ADGRF4: variants seen among roughly 807,000 people sequenced by gnomAD.
ADGRF4 encodes the protein adhesion G protein-coupled receptor F4.
Under a neutral mutation model 58.5 loss-of-function variants are expected in ADGRF4, and 63 were observed. That is an observed-to-expected ratio of 1.08 (90% CI 0.88 to 1.33). The LOEUF is 1.33. Ranked by LOEUF, ADGRF4 falls within the 40% of genes most tolerant of loss-of-function variation. The pLI is 0.00. For synonymous variants in ADGRF4, 313 were observed against 295.4 expected, an observed-to-expected ratio of 1.06 and a Z score of -0.61; for missense variants, 931 against 843.9, an observed-to-expected ratio of 1.10 and a Z score of -1.28.
chr6:47,705,069 C>T (rs1448945392), intron 1 of ADGRF4, among the ~76,000 whole-genome samples: 8 of 152,146 alleles, frequency 5.3e-5, no homozygotes, highest in Admixed American at 1.3e-4. Context: ...GCTGGGACTA[C>T]AGACGCCTGC....
intron 4 of ADGRF4, 137 bp from the exon 5 acceptor site, chr6:47,712,220 T>TCTG: frequency 1.3e-6 from 1 of 747,010 alleles, no homozygotes; most frequent in South Asian, 1.8e-5. Context: ...TCCACCCCCC[T>TCTG]CTGCATCAAA....
At chr6:47,717,057 A>G (rs533198391) in intron 7 of ADGRF4, among the ~76,000 whole-genome samples, 1 of 152,274 alleles carries the variant, frequency 6.6e-6, no homozygotes, top group East Asian at 1.9e-4. Flanking sequence ...GTGTGCAAGT[A>G]TTGCTGGTGA....
chr6:47,717,920 A>G (rs1050239732), intron 8 of ADGRF4, among the ~76,000 whole-genome samples: 3 of 152,242 alleles, frequency 2.0e-5, no homozygotes, highest in African/African-American at 4.8e-5. Context: ...TTAAGGCACC[A>G]AGTAAAATTG....
chr6:47,706,959 T>A (rs1771723492), intron 1 of ADGRF4, among the ~76,000 whole-genome samples: 2 of 152,262 alleles, frequency 1.3e-5, no homozygotes. Flanking sequence ...TAATAAGGAA[T>A]GATGCTTTGG....
chr6:47,707,969 C>T (rs983583918), intron 2 of ADGRF4, among the ~76,000 whole-genome samples: 4 of 152,160 alleles, frequency 2.6e-5, no homozygotes, highest in Admixed American at 1.3e-4. Context: ...GATGTAGCAT[C>T]TCTACTAACT....
chr6:47,710,953 T>C, intron 4 of ADGRF4, 67 bp downstream of exon 4: 1 of 1,441,776 alleles, frequency 6.9e-7, no homozygotes, highest in Non-Finnish European at 9.6e-7. Flanking sequence ...ACATTTTTAA[T>C]GTGATCTGTT....
intron 3 of ADGRF4, among the ~76,000 whole-genome samples, chr6:47,709,663 T>G (rs575384056): frequency 1.1e-4 from 17 of 152,364 alleles, no homozygotes; most frequent in African/African-American, 4.1e-4. Flanking sequence ...TGAAATTTAT[T>G]TGTATTCCCT....
chr6:47,719,301 G>T (rs538749247), intron 9 of ADGRF4, among the ~76,000 whole-genome samples: 2 of 152,092 alleles, frequency 1.3e-5, no homozygotes, highest in African/African-American at 4.8e-5. Flanking sequence ...ACATACAGTC[G>T]CAGGGAGAGG....
intron 1 of ADGRF4, among the ~76,000 whole-genome samples, chr6:47,705,549 AAC>A (rs540519687): frequency 7.1e-4 from 108 of 152,324 alleles, no homozygotes; most frequent in African/African-American, 2.5e-3. Flanking sequence ...GTTGTAAATA[AAC>A]ACACCTTCCC....
chr6:47,703,222 T>C (rs994849472), intron 1 of ADGRF4, among the ~76,000 whole-genome samples: 5 of 152,190 alleles, frequency 3.3e-5, no homozygotes, highest in Non-Finnish European at 7.3e-5. Context: ...TCTAAGGATG[T>C]GTGTTTCCTC....
In ADGRF4 at chr6:47,714,769, G is replaced by A. The variant is rs1161858910; in HGVS notation, c.1524G>A (p.Arg508=). ...IIYGILVIFR[R]MMKSRMMVIG... ...ATGGAATATTGGTCATTTTCCGTAG[G>A]ATGATGAAGTCCCGAATGATGGTCA... The change falls in exon 6 of 10, where the codon AGG becomes AGA. Residue 508 remains arginine (R), a synonymous_variant. Coordinates refer to ENST00000283303, the MANE Select transcript of ADGRF4 (RefSeq NM_153838.5). 5 of 1,613,934 alleles carry A rather than the reference G, an allele frequency of 3.1e-6. No individual in the cohort carries two copies. Among genetic ancestry groups the A allele is most frequent in the Non-Finnish European group, 4.2e-6 (5 of 1,179,872 alleles).
chr6:47,716,868 C>G (rs1195524125), intron 7 of ADGRF4, 21 bp downstream of exon 7: 1 of 1,549,150 alleles, frequency 6.5e-7, no homozygotes, highest in African/African-American at 1.4e-5. Context: ...TTTGCTTCCT[C>G]CTTATAAATG....
At chr6:47,704,787 C>T (rs1771668375) in intron 1 of ADGRF4, among the ~76,000 whole-genome samples, 2 of 151,980 alleles carry the variant, frequency 1.3e-5, no homozygotes, top group Admixed American at 1.3e-4. Flanking sequence ...AGTATTTTTA[C>T]ATAAAAATCG....
intron 1 of ADGRF4, among the ~76,000 whole-genome samples, chr6:47,700,002 G>T (rs915455224): frequency 6.6e-6 from 1 of 151,804 alleles, no homozygotes; most frequent in Non-Finnish European, 1.5e-5. Flanking sequence ...TCTTTGGATT[G>T]GTTGTTCCCA....
intron 1 of ADGRF4, among the ~76,000 whole-genome samples, chr6:47,700,325 G>C (rs1771563030): frequency 6.6e-6 from 1 of 152,270 alleles, no homozygotes; most frequent in East Asian, 1.9e-4. Flanking sequence ...AGACGGGTAG[G>C]GAGTACTCAG....
At chr6:47,713,481 T>C (rs977372879) in intron 5 of ADGRF4, among the ~76,000 whole-genome samples, 1 of 152,100 alleles carries the variant, frequency 6.6e-6, no homozygotes, top group Non-Finnish European at 1.5e-5. Context: ...CCAGAGAACA[T>C]ACCTCCACTC....
intron 1 of ADGRF4, among the ~76,000 whole-genome samples, chr6:47,702,074 G>A (rs1371488891): frequency 6.6e-6 from 1 of 152,152 alleles, no homozygotes; most frequent in African/African-American, 2.4e-5. Context: ...CCTGGTCTTA[G>A]GTGGTCCACC....
Position 47,714,939 on chromosome 6 carries a change from C to A in ADGRF4, c.1694C>A (p.Pro565Gln). The stretch of plus-strand genomic sequence containing the variant: ...AAAGCCCTTTTAGCATTTGCCATCC[C>A]GGCGTTCGTCATTGTGGCTGTAAAT... ...NTKALLAFAI[P>Q]AFVIVAVNLI... The change falls in exon 6 of 10, where the codon CCG becomes CAG. Residue 565 changes from proline (P) to glutamine (Q), a missense_variant. By Grantham distance (76) the Pro-to-Gln change is moderately conservative. Coordinates refer to ENST00000283303, the MANE Select transcript of ADGRF4 (RefSeq NM_153838.5). 6.2e-7 allele frequency: 1 copy of A among 1,613,618 alleles called. No individual in the cohort carries two copies. The highest frequency in any genetic ancestry group is 8.5e-7 in the Non-Finnish European group (1 of 1,179,580).
chr6:47,708,258 C>G lies in ADGRF4; in HGVS notation c.128C>G (p.Pro43Arg), dbSNP rs754434140. The G allele has an allele frequency of 6.2e-7, 1 of 1,612,042 alleles. No individual in the cohort carries two copies. The highest frequency in any genetic ancestry group is 1.1e-5 in the South Asian group (1 of 91,018). Residue 43 changes from proline (P) to arginine (R), a missense_variant, in exon 3 of 10, where the codon CCC becomes CGC. Physicochemically the swap from Pro to Arg is moderately radical, Grantham distance 103. Transcript: ENST00000283303. ...AAACTTCAAAGCCCTGAAGGGAAAC[C>G]CAAGACTGGAAGGATCCAAGGTATG... ...GDKLQSPEGK[P>R]KTGRIQEKCE...
Sources: gnomAD v4.1 joint callset for allele counts (sites outside exome capture counted in the v4.1 genomes callset) on GRCh38, gnomAD v4.1.1 for gene constraint, MANE v1.5 for transcripts, NCBI Gene and HGNC (gene_info 2026-07-23, HGNC 2026-07-21) for gene names.